Variants in ZDHHC5 observed in about 807,000 individuals in gnomAD.
The protein encoded by ZDHHC5 is zDHHC palmitoyltransferase 5, also known as palmitoyltransferase ZDHHC5.
In ZDHHC5, 22 loss-of-function variants were observed where a neutral mutation model predicts 70.0. The ratio of observed to expected loss-of-function variants is 0.31; its 90% confidence interval spans 0.22 to 0.45. The LOEUF (loss-of-function observed/expected upper bound fraction) is 0.45, where lower values mean the gene tolerates loss of function less well. ZDHHC5 is among the 20% of genes least tolerant of loss of function. The pLI is 1.00. For missense variants in ZDHHC5, 746 were observed against 926.9 expected, an observed-to-expected ratio of 0.80 and a Z score of 2.53; for synonymous variants, 313 against 347.8, an observed-to-expected ratio of 0.90 and a Z score of 1.11.
intron 2 of ZDHHC5, among the ~76,000 whole-genome samples, chr11:57,678,489 T>C (rs1278101671): frequency 6.8e-6 from 1 of 147,504 alleles, no homozygotes; most frequent in Non-Finnish European, 1.5e-5. Flanking sequence ...GAAAATGGTG[T>C]GAACCCGGGA....
intron 2 of ZDHHC5, among the ~76,000 whole-genome samples, chr11:57,677,331 G>C (rs1428056078): frequency 3.5e-5 from 5 of 141,158 alleles, no homozygotes; most frequent in African/African-American, 1.3e-4. Context: ...CTGTTGCCCA[G>C]GCTGGAGTGT....
chr11:57,669,153 C>T (rs145883547), intron 1 of ZDHHC5, among the ~76,000 whole-genome samples: 184 of 152,298 alleles, frequency 1.2e-3, no homozygotes, highest in African/African-American at 4.0e-3. Context: ...TTTGCTACCT[C>T]GGTATATAAT....
intron 3 of ZDHHC5, among the ~76,000 whole-genome samples, chr11:57,687,056 C>A (rs1194510587): frequency 1.3e-5 from 2 of 152,072 alleles, no homozygotes; most frequent in Non-Finnish European, 2.9e-5. Context: ...GTCTTGAACT[C>A]CTGGCCTCAA....
Position 57,699,017 on chromosome 11 carries a change from G to T in ZDHHC5, c.1581G>T (p.Glu527Asp). 2 of 1,609,658 alleles carry T rather than the reference G, an allele frequency of 1.2e-6. No homozygotes were observed. Among genetic ancestry groups the T allele is most frequent in the Non-Finnish European group, 8.5e-7 (1 of 1,179,998 alleles). Reference sequence around the variant, plus strand: ...TGCCAACTGGCCCAACACACCGAGAGCCCTCACCAGTCCGTTACGACAATC... The same window carrying T: ...TGCCAACTGGCCCAACACACCGAGATCCCTCACCAGTCCGTTACGACAATC... ...RLVPTGPTHR[E>D]PSPVRYDNLS... Residue 527 changes from glutamate to aspartate, a missense_variant, in exon 11 of 12, where the codon GAG (glutamate) becomes GAT (aspartate). By Grantham distance (45) the Glu-to-Asp change is conservative. This residue lies in a region of ZDHHC5 where 340 missense variants were observed against 350.1 expected (regional missense o/e 0.97). Transcript: ENST00000287169.
chr11:57,695,795 C>CAAAA (rs200575894), intron 8 of ZDHHC5, 125 bp from the exon 9 acceptor site: 477 of 1,147,930 alleles, frequency 4.2e-4, no homozygotes, highest in East Asian at 1.2e-3. Context: ...GACCTTGTCT[C>CAAAA]AAAAAAAAAA....
intron 9 of ZDHHC5, 65 bp downstream of exon 9, chr11:57,696,108 G>T: frequency 6.4e-7 from 1 of 1,553,362 alleles, no homozygotes; most frequent in South Asian, 1.2e-5. Flanking sequence ...TTGCTTATGA[G>T]CTGTGGAAGA....
chr11:57,690,234 T>C (rs1335065592), intron 5 of ZDHHC5, 31 bp downstream of exon 5: 6 of 1,612,758 alleles, frequency 3.7e-6, no homozygotes, highest in Non-Finnish European at 5.1e-6. Flanking sequence ...GATTGTGGGA[T>C]TGGAAGGGGG....
intron 1 of ZDHHC5, among the ~76,000 whole-genome samples, chr11:57,670,412 A>C (rs1305593433): frequency 6.6e-6 from 1 of 151,980 alleles, no homozygotes; most frequent in Non-Finnish European, 1.5e-5. Context: ...CGGAGGTTGC[A>C]GTGAGCTGAG....
intron 2 of ZDHHC5, among the ~76,000 whole-genome samples, chr11:57,679,255 G>A (rs1024758105): frequency 3.3e-5 from 5 of 152,056 alleles, no homozygotes; most frequent in South Asian, 2.1e-4. Context: ...TCTGCCCCCC[G>A]GGTTCAAGTG....
At chr11:57,689,704 ATGGGGTCT>A (rs1946256355) in intron 4 of ZDHHC5, among the ~76,000 whole-genome samples, 1 of 136,408 alleles carries the variant, frequency 7.3e-6, no homozygotes, top group East Asian at 2.1e-4. Context: ...TTTTTAAGAG[ATGGGGTCT>A]TGCTATGTTG....
chr11:57,678,556 G>A (rs1471349836), intron 2 of ZDHHC5, among the ~76,000 whole-genome samples: 3 of 123,250 alleles, frequency 2.4e-5, no homozygotes, highest in Non-Finnish European at 4.8e-5. Flanking sequence ...GGGTGACAGA[G>A]CAAAACTCTG....
At chr11:57,678,974 C>A (rs1006593498) in intron 2 of ZDHHC5, among the ~76,000 whole-genome samples, 3 of 152,136 alleles carry the variant, frequency 2.0e-5, no homozygotes, top group Non-Finnish European at 2.9e-5. Context: ...TAAGGCCTTG[C>A]ATAGAGAAGT....
chr11:57,697,599 C>T (rs941405475), intron 10 of ZDHHC5, among the ~76,000 whole-genome samples: 10 of 145,086 alleles, frequency 6.9e-5, no homozygotes, highest in Admixed American at 1.4e-4. Context: ...GTCGAGATTG[C>T]GCCACTGCAC....
At chr11:57,674,996 G>A (rs1946053105) in intron 2 of ZDHHC5, among the ~76,000 whole-genome samples, 1 of 152,166 alleles carries the variant, frequency 6.6e-6, no homozygotes, top group Admixed American at 6.5e-5. Flanking sequence ...TCAGTGCTCT[G>A]TCCTTCTTCA....
chr11:57,695,795 CAAA>C (rs200575894), intron 8 of ZDHHC5, 122 bp from the exon 9 acceptor site: 3,121 of 1,137,658 alleles, frequency 2.7e-3, no homozygotes, highest in South Asian at 4.2e-3. Flanking sequence ...GACCTTGTCT[CAAA>C]AAAAAAAAAA....
At chr11:57,695,575 G>A (rs1199340531) in intron 8 of ZDHHC5, among the ~76,000 whole-genome samples, 2 of 151,974 alleles carry the variant, frequency 1.3e-5, no homozygotes, top group African/African-American at 2.4e-5. Context: ...ATTGCTTGAG[G>A]CCAGGGGTTC....
At position 57,673,102 on chromosome 11, in the gene ZDHHC5, G is replaced by A; in HGVS notation, c.12G>A (p.Glu4=). The change falls in exon 2 of 12, where the codon GAG becomes GAA. Residue 4 remains glutamate, a synonymous_variant. Coordinates refer to ENST00000287169, the MANE Select transcript of ZDHHC5 (RefSeq NM_015457.3). ...ATCAGAGCTCCAACATGCCCGCAGA[G>A]TCTGGAAAGAGATTCAAACCCAGCA... MPA[E]SGKRFKPSKY... 15 of 1,613,972 alleles carry A rather than the reference G, an allele frequency of 9.3e-6. No individual in the cohort carries two copies. Among genetic ancestry groups the A allele is most frequent in the Non-Finnish European group, 1.3e-5 (15 of 1,179,902 alleles).
chr11:57,682,635 C>T (rs1590861692), intron 3 of ZDHHC5, 92 bp downstream of exon 3: 8 of 1,443,704 alleles, frequency 5.5e-6, no homozygotes, highest in Non-Finnish European at 7.4e-6. Context: ...CTTAAGAGTC[C>T]TGGGATTTTG....
chr11:57,689,910 T>G, intron 4 of ZDHHC5, 121 bp from the exon 5 acceptor site: 1 of 1,292,618 alleles, frequency 7.7e-7, no homozygotes, highest in Non-Finnish European at 1.1e-6. Flanking sequence ...AAACTGGATT[T>G]AATTTTGAAC....
Sources: allele counts gnomAD v4.1 joint callset (sites outside exome capture counted in the v4.1 genomes callset), GRCh38; gene constraint gnomAD v4.1.1; regional missense constraint gnomAD v4.1.1; transcripts MANE v1.5; gene names NCBI Gene and HGNC (gene_info 2026-07-23, HGNC 2026-07-21).